GPHN: variants seen among roughly 807,000 people sequenced by gnomAD.
GPHN encodes gephyrin.
Under a neutral mutation model 95.5 loss-of-function variants are expected in GPHN, and 17 were observed. The ratio of observed to expected loss-of-function variants is 0.18; its 90% CI spans 0.12 to 0.27. The LOEUF (loss-of-function observed/expected upper bound fraction) is 0.27, where lower values mean the gene tolerates loss of function less well. GPHN is among the 10% of genes least tolerant of loss of function. The pLI is 1.00. For missense variants in GPHN, 660 were observed against 978.1 expected (o/e 0.67, Z 4.34); for synonymous variants, 320 against 322.5 (o/e 0.99, Z 0.08).
At chr14:67,189,436 G>A in the GPHN span, 1 of 152,154 alleles carries the variant, frequency 6.6e-6, no homozygotes, top group African/African-American at 2.4e-5. Flanking sequence ...TTTACTAAGT[G>A]GTTAGTTGCC....
At chr14:66,689,001 C>T (rs577605806) in intron 2 of GPHN, among the ~76,000 whole-genome samples, 10 of 152,066 alleles carry the variant, frequency 6.6e-5, no homozygotes, top group Non-Finnish European at 1.5e-4. Flanking sequence ...CAACATGGCA[C>T]ATGTATACCT....
At chr14:67,132,669 G>A (rs561871134) in intron 17 of GPHN, among the ~76,000 whole-genome samples, 3 of 151,886 alleles carry the variant, frequency 2.0e-5, no homozygotes, top group South Asian at 2.1e-4. Flanking sequence ...ATCTTTAAGC[G>A]TTGCTATTGC....
the GPHN span, chr14:67,340,384 C>G: frequency 6.9e-7 from 1 of 1,454,056 alleles, no homozygotes; most frequent in Non-Finnish European, 9.6e-7. Context: ...TCAGCAAATA[C>G]AGCCTTTGGA....
chr14:66,640,087 C>A (rs1287587726), intron 1 of GPHN, among the ~76,000 whole-genome samples: 1 of 152,026 alleles, frequency 6.6e-6, no homozygotes, highest in Non-Finnish European at 1.5e-5. Context: ...TTGTTCATTC[C>A]TGAATTGATT....
chr14:66,858,167 G>GACCT (rs2062875291), intron 4 of GPHN, among the ~76,000 whole-genome samples: 1 of 152,038 alleles, frequency 6.6e-6, no homozygotes, highest in South Asian at 2.1e-4. Flanking sequence ...GGGGGCACAT[G>GACCT]ACCTACTAAG....
At chr14:67,011,004 A>G (rs1277590681) in intron 9 of GPHN, among the ~76,000 whole-genome samples, 3 of 152,180 alleles carry the variant, frequency 2.0e-5, no homozygotes, top group Non-Finnish European at 2.9e-5. Flanking sequence ...AATCCAAGCT[A>G]AAGTGTTTTG....
At chr14:67,538,638 G>A in the GPHN span, among the ~76,000 whole-genome samples, 60 of 152,250 alleles carry the variant, frequency 3.9e-4, no homozygotes, top group Admixed American at 9.8e-4. Flanking sequence ...TGGGCCTTGG[G>A]TTTGGCAGCA....
chr14:66,980,936 C>A (rs1481931253), intron 9 of GPHN, among the ~76,000 whole-genome samples: 2 of 152,154 alleles, frequency 1.3e-5, no homozygotes, highest in Admixed American at 1.3e-4. Context: ...GTAATCCCAG[C>A]TACTCGGGAG....
At chr14:66,976,921 G>T (rs900497655) in intron 9 of GPHN, among the ~76,000 whole-genome samples, 3 of 138,652 alleles carry the variant, frequency 2.2e-5, no homozygotes, top group East Asian at 2.4e-4. Context: ...TATGTGGGGG[G>T]GGGGGGAGTA....
At chr14:67,027,973 C>T (rs958255987) in intron 10 of GPHN, among the ~76,000 whole-genome samples, 1 of 152,044 alleles carries the variant, frequency 6.6e-6, no homozygotes, top group Non-Finnish European at 1.5e-5. Context: ...AATATTAGAA[C>T]TTATTCATTC....
the GPHN span, among the ~76,000 whole-genome samples, chr14:67,211,879 GA>G: frequency 7.2e-5 from 11 of 152,064 alleles, no homozygotes; most frequent in African/African-American, 2.7e-4. Flanking sequence ...ATTATATATT[GA>G]TAAAAAACAG....
intron 2 of GPHN, among the ~76,000 whole-genome samples, chr14:66,775,480 T>G (rs1012990822): frequency 2.0e-5 from 3 of 152,156 alleles, no homozygotes; most frequent in Non-Finnish European, 4.4e-5. Context: ...GAAATTAACT[T>G]TAATAATATA....
At chr14:67,336,478 TAAG>T in the GPHN span, 2 of 270,554 alleles carry the variant, frequency 7.4e-6, no homozygotes, top group African/African-American at 4.5e-5. Flanking sequence ...TCCAGGTATT[TAAG>T]AAGCCACAGG....
At chr14:66,811,095 A>G (rs2060741452) in intron 3 of GPHN, among the ~76,000 whole-genome samples, 1 of 152,210 alleles carries the variant, frequency 6.6e-6, no homozygotes, top group Non-Finnish European at 1.5e-5. Context: ...GAAAATGCAA[A>G]TTAAAACATC....
chr14:67,527,419 C>T, the GPHN span, among the ~76,000 whole-genome samples: 1 of 152,178 alleles, frequency 6.6e-6, no homozygotes, highest in South Asian at 2.1e-4. Context: ...GCCTGGGCAA[C>T]AAGAGTGAAA....
At chr14:66,871,979 A>T (rs770724919) in intron 4 of GPHN, among the ~76,000 whole-genome samples, 1 of 152,188 alleles carries the variant, frequency 6.6e-6, no homozygotes, top group Non-Finnish European at 1.5e-5. Context: ...AGATGGGATA[A>T]TGCCAGCAAA....
chr14:67,205,501 A>G, the GPHN span, among the ~76,000 whole-genome samples: 1 of 152,186 alleles, frequency 6.6e-6, no homozygotes, highest in Admixed American at 6.5e-5. Context: ...ATATAGCAGT[A>G]CCCAGTACCT....
the GPHN span, chr14:67,578,180 A>G: frequency 1.9e-6 from 3 of 1,613,870 alleles, no homozygotes; most frequent in Non-Finnish European, 2.5e-6. The surrounding 1 kb of genome is among the most constrained non-coding windows in gnomAD (Gnocchi z 5.0). Context: ...CGCCCACCTC[A>G]GAAGTACTCC....
chr14:67,502,880 T>C, the GPHN span, among the ~76,000 whole-genome samples: 2 of 152,148 alleles, frequency 1.3e-5, no homozygotes, highest in African/African-American at 4.8e-5. Context: ...GGTCCTGAAA[T>C]GTATTAAGAT....
Sources: allele counts gnomAD v4.1 joint callset (sites outside exome capture counted in the v4.1 genomes callset), GRCh38; gene constraint gnomAD v4.1.1; non-coding constraint Gnocchi (gnomAD v3.1); transcripts MANE v1.5; gene names NCBI Gene and HGNC (gene_info 2026-07-23, HGNC 2026-07-21).